Variants in ESRRG observed in about 807,000 individuals in gnomAD.
ESRRG encodes estrogen-related receptor gamma.
A neutral mutation model predicts 44.0 loss-of-function variants in ESRRG; 13 were observed. That is an observed-to-expected ratio of 0.30 (90% confidence interval 0.19 to 0.47). The LOEUF (loss-of-function observed/expected upper bound fraction) is 0.47, where lower values mean the gene tolerates loss of function less well. Ranked by LOEUF, ESRRG falls within the 20% of genes least tolerant of loss-of-function variation. The pLI is 1.00. For missense variants in ESRRG, 395 were observed against 580.6 expected, an observed-to-expected ratio of 0.68 and a Z score of 3.29; for synonymous variants, 215 against 214.6, an observed-to-expected ratio of 1.00 and a Z score of -0.02.
In ESRRG at chr1:216,912,175, GAAA is replaced by G. The variant is rs1491486769; in HGVS notation, c.-14+27404_-14+27406del. Reference sequence around the variant, plus strand: ...GAAAAGAAAAGAAAAGAAAAGAAAAGAAAAGAAAAGGAGAGGAGAGGAGAGGAG... The same window carrying G: ...GAAAAGAAAAGAAAAGAAAAGAAAAGAGAAAAGGAGAGGAGAGGAGAGGAG... On this transcript the variant is annotated intron_variant, in intron 2 of 7. Transcript: ENST00000359162. Among the ~76,000 whole-genome samples, 64 of 23,100 alleles carry G rather than the reference GAAA, an allele frequency of 2.8e-3. 3 individuals are homozygous for G. The highest frequency in any genetic ancestry group is 8.3e-3 in the East Asian group (4 of 482). 15.2% of individuals were successfully genotyped at this position (23,100 alleles called of 152,430 possible).
chr1:216,896,277 C>T (rs890674687), intron 2 of ESRRG, among the ~76,000 whole-genome samples: 1 of 152,152 alleles, frequency 6.6e-6, no homozygotes, highest in Non-Finnish European at 1.5e-5. Context: ...GATTCAGGGC[C>T]ATTGCAATTT....
chr1:216,818,956 A>G (rs912783843), intron 2 of ESRRG, among the ~76,000 whole-genome samples: 21 of 152,090 alleles, frequency 1.4e-4, no homozygotes, highest in African/African-American at 4.8e-4. Flanking sequence ...ATTCTTTTCT[A>G]TGGCTGCATA....
intron 2 of ESRRG, among the ~76,000 whole-genome samples, chr1:216,851,590 A>T (rs1041932779): frequency 1.3e-5 from 2 of 151,438 alleles, no homozygotes; most frequent in East Asian, 1.9e-4. Flanking sequence ...TACAAACTGG[A>T]TGAAGGCCCT....
intron 1 of ESRRG, among the ~76,000 whole-genome samples, chr1:217,084,518 G>T (rs1026307839): frequency 6.6e-6 from 1 of 152,060 alleles, no homozygotes; most frequent in Non-Finnish European, 1.5e-5. Flanking sequence ...CTGGAAATAT[G>T]GTTTATCCTA....
At chr1:217,095,673 G>A (rs572716064) in intron 1 of ESRRG, among the ~76,000 whole-genome samples, 2 of 152,330 alleles carry the variant, frequency 1.3e-5, no homozygotes, top group Non-Finnish European at 2.9e-5. Flanking sequence ...AATGAATTTG[G>A]TTTAAAATGT....
chr1:216,947,318 T>A (rs771279981), intron 1 of ESRRG, among the ~76,000 whole-genome samples: 13 of 152,150 alleles, frequency 8.5e-5, no homozygotes, highest in Non-Finnish European at 1.3e-4. Flanking sequence ...GTGCCCTTGG[T>A]GCTATTTTTC....
At chr1:216,718,453 A>G (rs2085391403) in intron 1 of ESRRG, among the ~76,000 whole-genome samples, 1 of 151,958 alleles carries the variant, frequency 6.6e-6, no homozygotes, top group Non-Finnish European at 1.5e-5. Context: ...CCACATATAC[A>G]TGGCTATCAA....
At chr1:217,015,154 C>T (rs745953055) in intron 1 of ESRRG, among the ~76,000 whole-genome samples, 1 of 152,224 alleles carries the variant, frequency 6.6e-6, no homozygotes, top group East Asian at 1.9e-4. Context: ...CCACACAGTG[C>T]AGAACCCCAT....
intron 2 of ESRRG, among the ~76,000 whole-genome samples, chr1:216,900,501 T>C (rs1181999445): frequency 6.6e-6 from 1 of 152,130 alleles, no homozygotes; most frequent in Non-Finnish European, 1.5e-5. Flanking sequence ...CAAAATTATA[T>C]CTGGTGTGTG....
At chr1:216,778,903 C>G (rs992279100) in intron 2 of ESRRG, among the ~76,000 whole-genome samples, 4 of 150,918 alleles carry the variant, frequency 2.7e-5, no homozygotes, top group Non-Finnish European at 4.4e-5. Flanking sequence ...AGAAACCTAT[C>G]TATGCAACAG....
chr1:216,513,323 C>T (rs534744217), intron 6 of ESRRG, among the ~76,000 whole-genome samples: 1 of 152,086 alleles, frequency 6.6e-6, no homozygotes, highest in African/African-American at 2.4e-5. Flanking sequence ...ATCAAGGAAG[C>T]CTTTCACATA....
intron 2 of ESRRG, among the ~76,000 whole-genome samples, chr1:216,872,449 A>T (rs897650785): frequency 4.6e-5 from 7 of 152,116 alleles, no homozygotes; most frequent in Middle Eastern, 6.8e-3. Flanking sequence ...CCTTTTTTTT[A>T]AAAATTGTCC....
chr1:216,520,378 T>C (rs11810268), intron 5 of ESRRG, among the ~76,000 whole-genome samples: 13,612 of 152,190 alleles, frequency 0.089, 2,026 homozygotes, highest in African/African-American at 0.31. Flanking sequence ...TGTGATCAAT[T>C]CTTTTCTGCA....
rs372245830 is a variant in ESRRG at position 216,626,422 on chromosome 1, A to G, written c.589+24551T>C. Among the ~76,000 whole-genome samples the G allele has an allele frequency of 1.8e-4, 27 of 152,264 alleles. No homozygotes were observed. The East Asian group carries it at 5.0e-3, about 28-fold the overall frequency. ...CCATCCAAACACTGACAGCTTCCAC[A>G]GTTTCATCTGCAGTCCAGATCTCTT... is the stretch of plus-strand genomic sequence containing the variant. On this transcript the variant is annotated intron_variant, in intron 3 of 6. Coordinates refer to ENST00000408911, the MANE Select transcript of ESRRG (RefSeq NM_001438.4).
upstream of ESRRG, among the ~76,000 whole-genome samples, chr1:216,723,782 ACT>A (rs1342106816): frequency 1.3e-5 from 2 of 151,642 alleles, no homozygotes; most frequent in Admixed American, 6.6e-5. Flanking sequence ...AACTAACTTA[ACT>A]CTCTAAGCAC....
At chr1:216,619,281 A>C in intron 3 of ESRRG, among the ~76,000 whole-genome samples, 1 of 152,228 alleles carries the variant, frequency 6.6e-6, no homozygotes, top group Admixed American at 6.5e-5. Context: ...TTTATTTAAA[A>C]ATATTAAATA....
chr1:217,109,858 T>C (rs2092641448), intron 1 of ESRRG, among the ~76,000 whole-genome samples: 1 of 152,198 alleles, frequency 6.6e-6, no homozygotes, highest in African/African-American at 2.4e-5. Context: ...ACAGTTCATA[T>C]TTAGCTCTGG....
chr1:216,936,359 G>C (rs2064148863), intron 2 of ESRRG, among the ~76,000 whole-genome samples: 1 of 152,056 alleles, frequency 6.6e-6, no homozygotes, highest in Non-Finnish European at 1.5e-5. Context: ...GAAATGAAAT[G>C]TCTTTTATGA....
At chr1:216,972,343 C>G (rs1383401611) in intron 1 of ESRRG, among the ~76,000 whole-genome samples, 2 of 152,126 alleles carry the variant, frequency 1.3e-5, no homozygotes, top group African/African-American at 4.8e-5. Context: ...CCCTGAACCA[C>G]AAATAATTGC....
Sources: gnomAD v4.1 joint callset for allele counts (sites outside exome capture counted in the v4.1 genomes callset) on GRCh38, gnomAD v4.1.1 for gene constraint, MANE v1.5 for transcripts, NCBI Gene and HGNC (gene_info 2026-07-23, HGNC 2026-07-21) for gene names.